The following UNC13A variants were observed in gnomAD, a reference collection of about 807,000 sequenced individuals.
The protein encoded by UNC13A is protein unc-13 homolog A.
In UNC13A, 61 loss-of-function variants were observed where a neutral mutation model predicts 219.7. The observed-to-expected ratio is 0.28, with a 90% CI of 0.23 to 0.34. The LOEUF (loss-of-function observed/expected upper bound fraction) is 0.34, where lower values mean the gene tolerates loss of function less well. Ranked by LOEUF, UNC13A falls within the 10% of genes least tolerant of loss-of-function variation. The probability of loss-of-function intolerance (pLI) is 1.00; values close to 1 mark genes in which losing one functional copy is unlikely to be tolerated. For synonymous variants in UNC13A, 920 were observed against 884.6 expected, an observed-to-expected ratio of 1.04 and a Z score of -0.71; for missense variants, 1,476 against 2,270.3, an observed-to-expected ratio of 0.65 and a Z score of 7.11.
At chr19:17,616,440 A>G (rs1285445015) in intron 41 of UNC13A, 2 of 697,570 alleles carry the variant, frequency 2.9e-6, no homozygotes, top group Non-Finnish European at 5.2e-6. Context: ...ACTAAGGGTA[A>G]ACCTAGTACC....
chr19:17,632,990 T>C (rs761368022), intron 27 of UNC13A, 82 bp from the exon 28 acceptor site: 40 of 1,608,730 alleles, frequency 2.5e-5, no homozygotes, highest in Non-Finnish European at 3.4e-5. Flanking sequence ...ACTCTGGCCA[T>C]CACTGATTTC....
In UNC13A at chr19:17,656,041, G is replaced by C; in HGVS notation, c.1125C>G (p.Ile375Met). 1 of 1,562,164 alleles carries C rather than the reference G, an allele frequency of 6.4e-7. No homozygotes were observed. The highest frequency in any genetic ancestry group is 8.7e-7 in the Non-Finnish European group (1 of 1,152,828). ...TCCCTGGGGCAGCTGGCGGGAGGCT[G>C]ATGCGTTTGAAGTCTTTGGGCTCAG... is the stretch of plus-strand genomic sequence containing the variant. ...AVAEPKDFKR[I>M]SLPPAAPGKE... The change falls in exon 10 of 44, where the codon ATC becomes ATG. Residue 375 changes from isoleucine (I) to methionine (M), a missense_variant. Physicochemically the swap from Ile to Met is conservative, Grantham distance 10. Around this residue, in one of 14 missense-constraint regions of UNC13A, gnomAD observed 351 missense variants for 342.6 expected, o/e 1.02. Transcript: ENST00000519716.
At chr19:17,663,643 T>C in intron 7 of UNC13A, 76 bp from the exon 8 acceptor site, 1 of 1,474,802 alleles carries the variant, frequency 6.8e-7, no homozygotes, top group South Asian at 1.2e-5. Context: ...TCCCCTGCTG[T>C]CCTCACTCTC....
chr19:17,618,340 G>C (rs1004693558), intron 40 of UNC13A, 81 bp downstream of exon 40: 2 of 1,414,266 alleles, frequency 1.4e-6, no homozygotes, highest in East Asian at 5.0e-5. Context: ...ATGTGGGTCC[G>C]AGGCGAGCCT....
intron 43 of UNC13A, among the ~76,000 whole-genome samples, chr19:17,606,646 A>G (rs1362887865): frequency 1.3e-5 from 2 of 150,680 alleles, no homozygotes; most frequent in East Asian, 3.9e-4. Context: ...CCCCTCAGAC[A>G]CCGCCCTGCA....
chr19:17,649,699 A>G lies in UNC13A; in HGVS notation c.1440-112T>C, dbSNP rs73009926. ...GTTAAGGGGTTGAATTGGGTCCCTC[A>G]AAAAAAAGATACGCTGATGCCCTAA... On this transcript the variant is annotated intron_variant, in intron 12 of 43. Coordinates refer to ENST00000519716, the MANE Select transcript of UNC13A (RefSeq NM_001080421.3). The surrounding 1 kb of genome is among the most constrained non-coding windows in gnomAD (Gnocchi z 4.4). 0.11 allele frequency: 129,301 copies of G among 1,146,748 alleles called. 7,882 individuals carry two copies. Among genetic ancestry groups the G allele is most frequent in the South Asian group, 0.14 (10,545 of 75,916 alleles). 71.0% of individuals were successfully genotyped at this position (1,146,748 alleles called of 1,614,324 possible).
At chr19:17,611,607 G>T (rs1470098332) in intron 42 of UNC13A, among the ~76,000 whole-genome samples, 156 bp downstream of exon 42, 1 of 152,202 alleles carries the variant, frequency 6.6e-6, no homozygotes, top group Non-Finnish European at 1.5e-5. Flanking sequence ...TGTTTACACT[G>T]CTGGATCCAG....
Position 17,605,909 on chromosome 19 carries a change from G to A in UNC13A, c.*145C>T. 1.3e-6 allele frequency: 1 copy of A among 746,590 alleles called. No homozygotes were observed. Among genetic ancestry groups the A allele is most frequent in the Admixed American group, 4.3e-5 (1 of 23,126 alleles). The allele number at this position is 746,590 out of a possible 1,614,324, so 46.2% of individuals were successfully genotyped here. On this transcript the variant is annotated 3_prime_UTR_variant, in exon 44 of 44. Coordinates refer to ENST00000519716, the MANE Select transcript of UNC13A (RefSeq NM_001080421.3). ...TCCTAATTCCCCAAAAGGGAAAGCT[G>A]AGTCAAGGGCGTAGGCGCAGCCCAC...
intron 8 of UNC13A, among the ~76,000 whole-genome samples, chr19:17,661,781 C>A (rs778471387): frequency 6.6e-6 from 1 of 152,114 alleles, no homozygotes; most frequent in Non-Finnish European, 1.5e-5. Context: ...GGGAGCAACT[C>A]TTTAGGGCAT....
At chr19:17,613,063 C>G (rs1039421060) in intron 41 of UNC13A, among the ~76,000 whole-genome samples, 1 of 152,064 alleles carries the variant, frequency 6.6e-6, no homozygotes, top group African/African-American at 2.4e-5. Context: ...GAAACCCTGT[C>G]TCTACTAAAA....
At chr19:17,646,729 C>G (rs984583601) in intron 17 of UNC13A, among the ~76,000 whole-genome samples, 1 of 152,160 alleles carries the variant, frequency 6.6e-6, no homozygotes, top group African/African-American at 2.4e-5. Context: ...CCTGGGGTCA[C>G]TTCCTGGATA....
intron 31 of UNC13A, 176 bp from the exon 32 acceptor site, chr19:17,628,116 G>A (rs943830388): frequency 3.2e-6 from 2 of 626,520 alleles, no homozygotes; most frequent in Admixed American, 2.7e-5. Context: ...TGGGCGTGTT[G>A]TTGGGGCGGG....
At chr19:17,634,899 T>C (rs2076896950) in intron 26 of UNC13A, among the ~76,000 whole-genome samples, 1 of 151,538 alleles carries the variant, frequency 6.6e-6, no homozygotes, top group Non-Finnish European at 1.5e-5. Context: ...TGAGACGGAG[T>C]CTCACTCTGT....
chr19:17,609,913 A>G, intron 43 of UNC13A, 27 bp downstream of exon 43: 13 of 1,611,880 alleles, frequency 8.1e-6, no homozygotes, highest in Non-Finnish European at 1.0e-5. Flanking sequence ...CCTTGCCCCC[A>G]TGCTCTTCAA....
intron 17 of UNC13A, 97 bp downstream of exon 17, chr19:17,647,168 C>T (rs1047018703): frequency 5.2e-6 from 6 of 1,158,876 alleles, no homozygotes; most frequent in Admixed American, 2.2e-5. Context: ...AGTGAGTGCG[C>T]GCTGCAAAGG....
At chr19:17,655,480 G>T in intron 10 of UNC13A, 98 bp from the exon 11 acceptor site, 1 of 984,750 alleles carries the variant, frequency 1.0e-6, no homozygotes, top group South Asian at 1.5e-5. Flanking sequence ...AGCTCCCCAT[G>T]GTATCTCTGA....
At chr19:17,688,063 C>A in intron 1 of UNC13A, 115 bp downstream of exon 1, 1 of 1,348,872 alleles carries the variant, frequency 7.4e-7, no homozygotes, top group Non-Finnish European at 9.9e-7. Context: ...TCTCAAAAGT[C>A]CAGCCACCTG....
At chr19:17,657,606 G>A (rs548197665) in intron 9 of UNC13A, among the ~76,000 whole-genome samples, 10 of 152,150 alleles carry the variant, frequency 6.6e-5, no homozygotes, top group Non-Finnish European at 8.8e-5. Context: ...CAATCTTAGC[G>A]CCTGAGACCC....
rs189751385 is a variant in UNC13A at position 17,625,374 on chromosome 19, C to A, written c.4074-422G>T. 2.3e-3 allele frequency among the ~76,000 whole-genome samples: 355 copies of A among 152,116 alleles called. 1 individual carries two copies. The highest frequency in any genetic ancestry group is 7.8e-3 in the African/African-American group (324 of 41,490). On this transcript the variant is annotated intron_variant, in intron 34 of 43. Coordinates refer to ENST00000519716, the MANE Select transcript of UNC13A (RefSeq NM_001080421.3). ...CAGGAGGGGAATGGTCAGAGGAGGG[C>A]AGACTTGAAAGGGAAAACAGCAAAG...
Sources: allele counts gnomAD v4.1 joint callset (sites outside exome capture counted in the v4.1 genomes callset), GRCh38; gene constraint gnomAD v4.1.1; regional missense constraint gnomAD v4.1.1; non-coding constraint Gnocchi (gnomAD v3.1); transcripts MANE v1.5; gene names NCBI Gene and HGNC (gene_info 2026-07-23, HGNC 2026-07-21).